Variants in AAGAB observed in about 807,000 individuals in gnomAD.
AAGAB encodes the protein alpha- and gamma-adaptin-binding protein p34.
In AAGAB, 38 loss-of-function variants were observed where a neutral mutation model predicts 44.1. The observed-to-expected ratio is 0.86, with a 90% CI of 0.67 to 1.13. AAGAB has a LOEUF of 1.13. Among genes scored for constraint, AAGAB ranks in the 50% most tolerant of loss-of-function variants. AAGAB has a pLI of 0.00. For synonymous variants in AAGAB, 131 were observed against 131.8 expected, an observed-to-expected ratio of 0.99 and a Z score of 0.04; for missense variants, 450 against 373.8, an observed-to-expected ratio of 1.20 and a Z score of -1.68.
Position 67,201,025 on chromosome 15 carries a change from C to T in AAGAB, c.*1796G>A, listed in dbSNP as rs948434838. 3 of 152,364 alleles carry T rather than the reference C, an allele frequency of 2.0e-5. No homozygotes were observed. The highest frequency in any genetic ancestry group is 4.4e-5 in the Non-Finnish European group (3 of 68,044). 9.4% of individuals were successfully genotyped at this position (152,364 alleles called of 1,614,324 possible). A position where few individuals can be genotyped will look rare whatever the true frequency, so the allele number is the denominator to read the frequency against. Reference sequence around the variant, plus strand: ...AAAATCATAATAATAGACATTAGCACAGTTTATAAATAAATCACATTTTAA... The same window carrying T: ...AAAATCATAATAATAGACATTAGCATAGTTTATAAATAAATCACATTTTAA... On this transcript the variant is annotated 3_prime_UTR_variant, in exon 10 of 10. Coordinates refer to ENST00000261880, the MANE Select transcript of AAGAB (RefSeq NM_024666.5).
chr15:67,218,889 G>C (rs544376018), intron 5 of AAGAB, among the ~76,000 whole-genome samples: 70 of 152,248 alleles, frequency 4.6e-4, no homozygotes, highest in Non-Finnish European at 8.2e-4. Flanking sequence ...CAAACTTTGA[G>C]GTTAAGGAAA....
chr15:67,204,130 TC>T lies in AAGAB; in HGVS notation c.733del (p.Asp245IlefsTer5). On this transcript the variant is annotated frameshift_variant, in exon 8 of 10. Transcript: ENST00000261880. LOFTEE classifies it high-confidence loss of function. ...GGTAAGACTGGCTAATTCTTGAATA[TC>T]CAGATCTAACATGGGATCTGAAATA... ...DSIVDPMLDL[D>X]IQELASLTTG... The T allele has an allele frequency of 6.2e-7, 1 of 1,608,408 alleles. No individual in the cohort carries two copies. The highest frequency in any genetic ancestry group is 8.5e-7 in the Non-Finnish European group (1 of 1,175,222).
chr15:67,211,454 G>A (rs561879556), intron 5 of AAGAB, among the ~76,000 whole-genome samples: 3 of 152,292 alleles, frequency 2.0e-5, no homozygotes, highest in Non-Finnish European at 2.9e-5. Flanking sequence ...AGTGTCCTAC[G>A]ATGACAGTTT....
At chr15:67,247,450 C>T (rs1008068413) in intron 1 of AAGAB, among the ~76,000 whole-genome samples, 11 of 152,154 alleles carry the variant, frequency 7.2e-5, no homozygotes, top group Non-Finnish European at 1.0e-4. Flanking sequence ...TTTTGCCATA[C>T]AAAAACAAAG....
At chr15:67,254,977 C>T (rs752798531), upstream of AAGAB, 27 of 1,604,784 alleles carry the variant, frequency 1.7e-5, no homozygotes, top group Non-Finnish European at 2.0e-5. Flanking sequence ...CGGCCCTGCC[C>T]TGCCCAGCCG....
In AAGAB at chr15:67,201,133, A is replaced by G. The variant is rs1389217979; in HGVS notation, c.*1688T>C. ...GTTTTTTCTAACCAGATGGCCTAGT[A>G]TATTTTCTAAAACCTTCCATCTTTT... On this transcript the variant is annotated 3_prime_UTR_variant, in exon 10 of 10. Transcript: ENST00000261880. 1 of 150,314 alleles carries G rather than the reference A, an allele frequency of 6.7e-6. No individual in the cohort carries two copies. Among genetic ancestry groups the G allele is most frequent in the Non-Finnish European group, 1.5e-5 (1 of 67,748 alleles). The allele number at this position is 150,314 out of a possible 1,614,324, so 9.3% of individuals were successfully genotyped here.
intron 5 of AAGAB, chr15:67,226,610 G>T (rs542051916): frequency 6.6e-6 from 1 of 152,122 alleles, no homozygotes; most frequent in Non-Finnish European, 1.5e-5. Flanking sequence ...CCCTCATTTT[G>T]AGGGTTATCT....
Position 67,253,260 on chromosome 15 carries a change from CGGGGGG to C in AAGAB, c.73+1293_73+1298del, listed in dbSNP as rs35166457. On this transcript the variant is annotated intron_variant, in intron 1 of 9. Transcript: ENST00000261880. ...GGCAACATGGCCAAACCCCGTATGA[CGGGGGG>C]GGGGGGGGGCAATTAGCCGGGCGTG... Among the ~76,000 whole-genome samples, 631 of 81,938 alleles carry C rather than the reference CGGGGGG, an allele frequency of 7.7e-3. 33 individuals are homozygous for C. The highest frequency in any genetic ancestry group is 0.037 in the African/African-American group (610 of 16,342). The allele number at this position is 81,938 out of a possible 152,430, so 53.8% of individuals were successfully genotyped here. A position where few individuals can be genotyped will look rare whatever the true frequency, so the allele number is the denominator to read the frequency against.
At chr15:67,236,177 T>C in intron 3 of AAGAB, 109 bp from the exon 4 acceptor site, 1 of 926,140 alleles carries the variant, frequency 1.1e-6, no homozygotes, top group Non-Finnish European at 1.7e-6. Flanking sequence ...GTCAATGTTA[T>C]TCTAAAGGCA....
At position 67,235,976 on chromosome 15, in the gene AAGAB, T is replaced by TA; in HGVS notation, c.451+2dup. On this transcript the variant is annotated splice_region_variant and intron_variant, in intron 4 of 9. Transcript: ENST00000261880. ...TATTTTCTCCTAACACATAAACACT[T>TA]ACCATCCTCCTCAGGCAACTCCTCT... 6.3e-7 allele frequency: 1 copy of TA among 1,597,974 alleles called. No individual in the cohort carries two copies. The highest frequency in any genetic ancestry group is 8.6e-7 in the Non-Finnish European group (1 of 1,167,590).
intron 5 of AAGAB, among the ~76,000 whole-genome samples, chr15:67,210,653 A>C (rs1384853871): frequency 6.6e-6 from 1 of 152,220 alleles, no homozygotes; most frequent in African/African-American, 2.4e-5. Flanking sequence ...TTCAAAGTAT[A>C]AGGGCCAGCC....
In AAGAB at chr15:67,246,340, C is replaced by T. The variant is rs184805194; in HGVS notation, c.73+8219G>A. On this transcript the variant is annotated intron_variant, in intron 1 of 9. Transcript: ENST00000261880. ...CCGGGAGGCGAAGGCTGCAGTGAGC[C>T]GAGATTGCACCACTGCACTCCAGCC... 4.7e-3 allele frequency among the ~76,000 whole-genome samples: 689 copies of T among 148,066 alleles called. 7 individuals carry two copies. The highest frequency in any genetic ancestry group is 0.017 in the African/African-American group (668 of 39,904).
intron 5 of AAGAB, among the ~76,000 whole-genome samples, chr15:67,218,900 T>C (rs1964008859): frequency 6.6e-6 from 1 of 152,188 alleles, no homozygotes; most frequent in South Asian, 2.1e-4. Flanking sequence ...GTTAAGGAAA[T>C]TTAAGAAAAG....
chr15:67,252,924 A>G (rs1313484349), intron 1 of AAGAB, among the ~76,000 whole-genome samples: 1 of 152,234 alleles, frequency 6.6e-6, no homozygotes, highest in African/African-American at 2.4e-5. Context: ...TACAGTTTAC[A>G]AAGTGTGTTC....
chr15:67,252,098 T>C (rs1485025936), intron 1 of AAGAB, among the ~76,000 whole-genome samples: 1 of 152,198 alleles, frequency 6.6e-6, no homozygotes, highest in Non-Finnish European at 1.5e-5. Context: ...AAATGGATTA[T>C]TTTACAGAAT....
intron 7 of AAGAB, among the ~76,000 whole-genome samples, chr15:67,207,746 T>C (rs919146046): frequency 6.6e-6 from 1 of 152,172 alleles, no homozygotes; most frequent in Non-Finnish European, 1.5e-5. Context: ...GTGTGATTAC[T>C]AGTTTGTTTT....
At chr15:67,211,711 A>C (rs1341918831) in intron 5 of AAGAB, among the ~76,000 whole-genome samples, 1 of 152,116 alleles carries the variant, frequency 6.6e-6, no homozygotes, top group Non-Finnish European at 1.5e-5. Context: ...ACCTTGGGTA[A>C]TTTTCAAATT....
chr15:67,252,309 G>A (rs1964889620), intron 1 of AAGAB, among the ~76,000 whole-genome samples: 1 of 152,102 alleles, frequency 6.6e-6, no homozygotes, highest in Non-Finnish European at 1.5e-5. Flanking sequence ...TCGCTAATAG[G>A]ATTCCTAATG....
chr15:67,216,519 G>A (rs191751416), intron 5 of AAGAB, among the ~76,000 whole-genome samples: 140 of 134,368 alleles, frequency 1.0e-3, no homozygotes, highest in Non-Finnish European at 1.7e-3. Flanking sequence ...CTGGTATTTT[G>A]TCTTCCTAGT....
Sources: allele counts gnomAD v4.1 joint callset (sites outside exome capture counted in the v4.1 genomes callset), GRCh38; gene constraint gnomAD v4.1.1; transcripts MANE v1.5; gene names NCBI Gene and HGNC (gene_info 2026-07-23, HGNC 2026-07-21).